KLF12: variants seen among roughly 807,000 people sequenced by gnomAD.
KLF12 encodes the protein KLF transcription factor 12.
In KLF12, 9 loss-of-function variants were observed where a neutral mutation model predicts 37.8. The ratio of observed to expected loss-of-function variants is 0.24; its 90% confidence interval spans 0.14 to 0.42. The LOEUF (loss-of-function observed/expected upper bound fraction) is 0.42. KLF12 is among the 10% of genes least tolerant of loss of function. KLF12 has a pLI of 1.00. For missense variants in KLF12, 411 were observed against 516.0 expected, an observed-to-expected ratio of 0.80 and a Z score of 1.97; for synonymous variants, 208 against 202.1, an observed-to-expected ratio of 1.03 and a Z score of -0.25.
chr13:73,948,639 T>C (rs1348710877), intron 2 of KLF12, among the ~76,000 whole-genome samples: 1 of 152,182 alleles, frequency 6.6e-6, no homozygotes, highest in East Asian at 1.9e-4. Context: ...GGGGTTTGCA[T>C]AAAAAAGATT....
intron 6 of KLF12, among the ~76,000 whole-genome samples, chr13:73,762,202 C>T (rs946353541): frequency 6.6e-6 from 1 of 152,204 alleles, no homozygotes; most frequent in Non-Finnish European, 1.5e-5. Context: ...CCCTGGCACT[C>T]TCGTTTCCTC....
intron 1 of KLF12, among the ~76,000 whole-genome samples, chr13:74,102,464 G>C (rs1876407990): frequency 6.6e-6 from 1 of 151,978 alleles, no homozygotes; most frequent in African/African-American, 2.4e-5. Flanking sequence ...TTGGGAGGCT[G>C]AGGCGAGCGG....
chr13:74,127,089 T>C (rs775763186), intron 1 of KLF12, among the ~76,000 whole-genome samples: 7 of 152,170 alleles, frequency 4.6e-5, no homozygotes, highest in Non-Finnish European at 7.3e-5. Flanking sequence ...GTTGTAGCCC[T>C]GAACTCTGGG....
At chr13:74,249,084 G>GT in the KLF12 span, among the ~76,000 whole-genome samples, 1 of 152,004 alleles carries the variant, frequency 6.6e-6, no homozygotes, top group Non-Finnish European at 1.5e-5. Context: ...CCAGACAAAC[G>GT]TGAGTCCAAA....
intron 1 of KLF12, among the ~76,000 whole-genome samples, chr13:74,108,492 C>A (rs1593906730): frequency 6.6e-6 from 1 of 152,020 alleles, no homozygotes; most frequent in African/African-American, 2.4e-5. Context: ...ATACAGTTGA[C>A]CTTTGAATGT....
At chr13:74,100,233 A>G (rs1876249041) in intron 1 of KLF12, among the ~76,000 whole-genome samples, 1 of 152,226 alleles carries the variant, frequency 6.6e-6, no homozygotes, top group Admixed American at 6.5e-5. Flanking sequence ...AGTAGCAGGT[A>G]TTTACCAACA....
At chr13:73,703,801 A>G (rs890167102) in intron 7 of KLF12, among the ~76,000 whole-genome samples, 6 of 152,124 alleles carry the variant, frequency 3.9e-5, no homozygotes, top group Non-Finnish European at 8.8e-5. Flanking sequence ...GCCTCTCAAC[A>G]TTTTAAATTA....
chr13:73,849,864 A>T (rs1885241334), intron 3 of KLF12, among the ~76,000 whole-genome samples: 1 of 152,106 alleles, frequency 6.6e-6, no homozygotes, highest in African/African-American at 2.4e-5. Context: ...CTATAGCTGA[A>T]TTTTTGCTGT....
At chr13:74,030,674 C>T (rs764426892) in intron 1 of KLF12, among the ~76,000 whole-genome samples, 1 of 152,022 alleles carries the variant, frequency 6.6e-6, no homozygotes, top group Non-Finnish European at 1.5e-5. Flanking sequence ...CTATAGCAAA[C>T]AATAAAGGAT....
At chr13:73,769,411 C>T (rs1566355467) in intron 5 of KLF12, among the ~76,000 whole-genome samples, 2 of 152,224 alleles carry the variant, frequency 1.3e-5, no homozygotes, top group East Asian at 1.9e-4. Flanking sequence ...CTTCTTTACT[C>T]AGCAGCCAAG....
Position 73,690,122 on chromosome 13 carries a change from C to T in KLF12, c.*5368G>A, listed in dbSNP as rs947948201. 7 of 152,454 alleles carry T rather than the reference C, an allele frequency of 4.6e-5. No homozygotes were observed. The highest frequency in any genetic ancestry group is 1.7e-4 in the African/African-American group (7 of 41,428). The allele number at this position is 152,454 out of a possible 1,614,324, so 9.4% of individuals were successfully genotyped here. A position where few individuals can be genotyped will look rare whatever the true frequency, so the allele number is the denominator to read the frequency against. On this transcript the variant is annotated 3_prime_UTR_variant, in exon 8 of 8. Coordinates refer to ENST00000377669, the MANE Select transcript of KLF12 (RefSeq NM_007249.5). Reference sequence around the variant, plus strand: ...TTTACTATGTGTATGTATTTACTCTCTCTGTGTGTATGTGTGTGTGTGTTC... The same window carrying T: ...TTTACTATGTGTATGTATTTACTCTTTCTGTGTGTATGTGTGTGTGTGTTC...
At chr13:74,061,397 T>C (rs1873581500) in intron 1 of KLF12, among the ~76,000 whole-genome samples, 2 of 152,182 alleles carry the variant, frequency 1.3e-5, no homozygotes, top group African/African-American at 2.4e-5. Flanking sequence ...CAAAGACAGA[T>C]GAAATCAAGG....
intron 1 of KLF12, among the ~76,000 whole-genome samples, chr13:74,068,660 G>T (rs944007862): frequency 6.6e-6 from 1 of 150,828 alleles, no homozygotes; most frequent in African/African-American, 2.4e-5. Flanking sequence ...AGGTTCAAAC[G>T]ATTCTCCTGC....
At chr13:73,838,031 C>G (rs970047353) in intron 4 of KLF12, among the ~76,000 whole-genome samples, 1 of 152,072 alleles carries the variant, frequency 6.6e-6, no homozygotes, top group Non-Finnish European at 1.5e-5. Flanking sequence ...GATTCATGAC[C>G]TGAAACAAAG....
the KLF12 span, among the ~76,000 whole-genome samples, chr13:74,167,303 T>C: frequency 6.6e-6 from 1 of 152,216 alleles, no homozygotes; most frequent in Non-Finnish European, 1.5e-5. Flanking sequence ...ACTCACTTTT[T>C]TGCTTCTAGA....
At chr13:73,829,401 T>C (rs1191883357) in intron 4 of KLF12, among the ~76,000 whole-genome samples, 1 of 152,158 alleles carries the variant, frequency 6.6e-6, no homozygotes, top group Non-Finnish European at 1.5e-5. Context: ...AATAAGGATA[T>C]TTTTCTCAGA....
the KLF12 span, among the ~76,000 whole-genome samples, chr13:74,262,462 C>A: frequency 6.6e-6 from 1 of 152,208 alleles, no homozygotes; most frequent in Non-Finnish European, 1.5e-5. Context: ...ATACCAAAAT[C>A]TGAGGATGCT....
chr13:73,916,560 T>C (rs1272658788), intron 3 of KLF12, among the ~76,000 whole-genome samples: 2 of 152,224 alleles, frequency 1.3e-5, no homozygotes, highest in Non-Finnish European at 2.9e-5. Flanking sequence ...CAATGCTTTA[T>C]ATAGCCAATA....
rs74095851 is a variant in KLF12, at chr13:73,837,649, A to G, written c.670+8178T>C. On this transcript the variant is annotated intron_variant, in intron 4 of 7. Coordinates refer to ENST00000377669, the MANE Select transcript of KLF12 (RefSeq NM_007249.5). ...CATAAGAGTGAAACACTCAAGTCTT[A>G]TCAAAGCCTATATTTAATAAACATA... 3.3e-3 allele frequency among the ~76,000 whole-genome samples: 510 copies of G among 152,330 alleles called. 3 individuals carry two copies. The highest frequency in any genetic ancestry group is 0.011 in the African/African-American group (475 of 41,574).
Sources: allele counts gnomAD v4.1 joint callset (sites outside exome capture counted in the v4.1 genomes callset), GRCh38; gene constraint gnomAD v4.1.1; transcripts MANE v1.5; gene names NCBI Gene and HGNC (gene_info 2026-07-23, HGNC 2026-07-21).